The following FHIP1A variants were observed in gnomAD, a reference collection of about 807,000 sequenced individuals.
FHIP1A encodes the protein FHF complex subunit HOOK interacting protein 1A.
Under a neutral mutation model 88.6 loss-of-function variants are expected in FHIP1A, and 61 were observed. The observed-to-expected ratio is 0.69, with a 90% confidence interval of 0.56 to 0.85. FHIP1A has a LOEUF of 0.85. Among genes scored for constraint, FHIP1A ranks in the 40% least tolerant of loss-of-function variants. The pLI, the probability that FHIP1A is intolerant of heterozygous loss-of-function variation, is 0.00. For synonymous variants in FHIP1A, 478 were observed against 496.0 expected (o/e 0.96, Z 0.48); for missense variants, 1,154 against 1,273.5 (o/e 0.91, Z 1.43).
In FHIP1A at chr4:151,421,955, G is replaced by A. The variant is rs534546773; in HGVS notation, c.-356+12490G>A. Reference sequence around the variant, plus strand: ...TCTTTAGGGCTTGCCTTTTACCAAAGTATGCAAGTTAGCAAAATCTTGTTC... The same window carrying A: ...TCTTTAGGGCTTGCCTTTTACCAAAATATGCAAGTTAGCAAAATCTTGTTC... On this transcript the variant is annotated intron_variant, in intron 1 of 13. Transcript: ENST00000435205. 8.0e-4 allele frequency among the ~76,000 whole-genome samples: 122 copies of A among 152,136 alleles called. 2 individuals carry two copies. Among genetic ancestry groups the A allele is most frequent in the Non-Finnish European group, 1.4e-3 (96 of 67,934 alleles).
intron 3 of FHIP1A, among the ~76,000 whole-genome samples, chr4:151,553,712 A>G (rs531562383): frequency 1.3e-5 from 2 of 152,312 alleles, no homozygotes; most frequent in Admixed American, 6.5e-5. Flanking sequence ...ACCAGTTGTT[A>G]CAGCTTCTTC....
chr4:151,571,941 C>G (rs1733616523), intron 4 of FHIP1A, among the ~76,000 whole-genome samples: 1 of 152,360 alleles, frequency 6.6e-6, no homozygotes, highest in Non-Finnish European at 1.5e-5. Context: ...GGTGCAGTGG[C>G]TCTTGCCTGT....
At chr4:151,417,583 G>T (rs1462853349) in intron 1 of FHIP1A, among the ~76,000 whole-genome samples, 3 of 152,114 alleles carry the variant, frequency 2.0e-5, no homozygotes, top group Non-Finnish European at 2.9e-5. Context: ...AATAGCCTCT[G>T]GTCCTTTTGT....
intron 11 of FHIP1A, among the ~76,000 whole-genome samples, chr4:151,652,811 G>A (rs1028686805): frequency 2.0e-5 from 3 of 152,314 alleles, no homozygotes; most frequent in East Asian, 3.9e-4. Flanking sequence ...GGGTATGACC[G>A]CATTGGGTGG....
chr4:151,551,836 G>T (rs180860908), intron 3 of FHIP1A, among the ~76,000 whole-genome samples: 2 of 152,270 alleles, frequency 1.3e-5, no homozygotes, highest in Admixed American at 1.3e-4. Context: ...TGACAAATGG[G>T]ATCTAATTAA....
chr4:151,467,757 A>G (rs997107766), intron 2 of FHIP1A, among the ~76,000 whole-genome samples: 3 of 152,038 alleles, frequency 2.0e-5, no homozygotes, highest in African/African-American at 2.4e-5. Context: ...CGTGTTCTCA[A>G]TTATAATTGG....
intron 3 of FHIP1A, among the ~76,000 whole-genome samples, chr4:151,533,694 C>T (rs1731966479): frequency 1.3e-5 from 2 of 152,142 alleles, no homozygotes; most frequent in Non-Finnish European, 2.9e-5. Context: ...TTAGGGAAAG[C>T]CCATTTACCC....
rs1737605004 is a variant in FHIP1A, at chr4:151,664,859, G to A, written c.*2105G>A. On this transcript the variant is annotated 3_prime_UTR_variant, in exon 14 of 14. Transcript: ENST00000435205. ...TCTGGTGGTGGTGTTGATTCTTCTT[G>A]AATCCATATTTCTGCATTGTAGAAT... Among the ~76,000 whole-genome samples, 1 of 152,044 alleles carries A rather than the reference G, an allele frequency of 6.6e-6. No individual in the cohort carries two copies. The highest frequency in any genetic ancestry group is 6.5e-5 in the Admixed American group (1 of 15,280).
chr4:151,607,066 A>G lies in FHIP1A; in HGVS notation c.978+18140A>G, dbSNP rs773456779. ...TTCTTAAACTTGGCAGGAAAGCTCAATGCCCCTGGTACCATCTCACACTTA... is the reference window on the plus strand; with the variant it reads ...TTCTTAAACTTGGCAGGAAAGCTCAGTGCCCCTGGTACCATCTCACACTTA... On this transcript the variant is annotated intron_variant, in intron 7 of 13. Transcript: ENST00000435205. Among the ~76,000 whole-genome samples the G allele has an allele frequency of 2.3e-4, 35 of 152,180 alleles. 1 individual carries two copies. The highest frequency in any genetic ancestry group is 3.3e-4 in the Admixed American group (5 of 15,282).
intron 7 of FHIP1A, among the ~76,000 whole-genome samples, chr4:151,600,489 A>G (rs1734822684): frequency 1.3e-5 from 2 of 152,210 alleles, no homozygotes; most frequent in South Asian, 4.1e-4. Flanking sequence ...GGAGCTTAGT[A>G]AGTGGACTGG....
At chr4:151,413,153 C>T (rs1349674074) in intron 1 of FHIP1A, among the ~76,000 whole-genome samples, 22 of 152,130 alleles carry the variant, frequency 1.4e-4, no homozygotes, top group Non-Finnish European at 3.2e-4. Context: ...TTGAAGTAAC[C>T]TCCATTAAAT....
chr4:151,423,347 AACAC>A (rs961361370), intron 1 of FHIP1A, among the ~76,000 whole-genome samples: 14 of 152,044 alleles, frequency 9.2e-5, no homozygotes, highest in African/African-American at 3.4e-4. Flanking sequence ...ATTATGGAAG[AACAC>A]ACACTTTGAG....
intron 3 of FHIP1A, among the ~76,000 whole-genome samples, chr4:151,552,596 T>C (rs1434089827): frequency 2.0e-5 from 3 of 151,996 alleles, no homozygotes; most frequent in African/African-American, 7.2e-5. Context: ...AAATACCGCA[T>C]TTCTCACTCA....
At chr4:151,446,692 T>A (rs941417339) in intron 1 of FHIP1A, among the ~76,000 whole-genome samples, 1 of 150,658 alleles carries the variant, frequency 6.6e-6, no homozygotes, top group South Asian at 2.2e-4. Context: ...ATCTATTACC[T>A]CTGTTGTGAA....
chr4:151,640,052 G>A (rs974251009), intron 9 of FHIP1A, among the ~76,000 whole-genome samples: 1 of 152,206 alleles, frequency 6.6e-6, no homozygotes, highest in Non-Finnish European at 1.5e-5. Context: ...GTGTCAAAGT[G>A]TGATGCTGGA....
chr4:151,659,530 T>A (rs1693261449), intron 13 of FHIP1A, among the ~76,000 whole-genome samples: 1 of 152,206 alleles, frequency 6.6e-6, no homozygotes, highest in Non-Finnish European at 1.5e-5. Context: ...ACATAATGTA[T>A]CTCTCTCCTC....
At chr4:151,474,892 GCTTACCTT>G in intron 2 of FHIP1A, among the ~76,000 whole-genome samples, 1 of 152,270 alleles carries the variant, frequency 6.6e-6, no homozygotes, top group South Asian at 2.1e-4. Context: ...TGATTCTTTT[GCTTACCTT>G]GTACAGGGGC....
chr4:151,519,921 T>C (rs1731393194), intron 3 of FHIP1A, among the ~76,000 whole-genome samples: 2 of 152,186 alleles, frequency 1.3e-5, no homozygotes, highest in Non-Finnish European at 1.5e-5. Context: ...TTGAAGTGTC[T>C]AGTTACATCT....
At chr4:151,517,244 T>C (rs1342142152) in intron 3 of FHIP1A, among the ~76,000 whole-genome samples, 2 of 151,902 alleles carry the variant, frequency 1.3e-5, no homozygotes, top group African/African-American at 2.4e-5. Context: ...TAGGCGGGAA[T>C]TGAACAATGA....
Sources: allele counts gnomAD v4.1 joint callset (sites outside exome capture counted in the v4.1 genomes callset), GRCh38; gene constraint gnomAD v4.1.1; transcripts MANE v1.5; gene names NCBI Gene and HGNC (gene_info 2026-07-23, HGNC 2026-07-21).